The following SH3GL2 variants were observed in gnomAD, a reference collection of about 807,000 sequenced individuals.
SH3GL2 encodes endophilin-A1.
Under a neutral mutation model 46.0 loss-of-function variants are expected in SH3GL2, and 24 were observed. The observed-to-expected ratio is 0.52, with a 90% CI of 0.38 to 0.73. SH3GL2 has a LOEUF of 0.73. SH3GL2 is among the 30% of genes least tolerant of loss of function. The probability of loss-of-function intolerance (pLI) is 0.00; values close to 1 mark genes in which losing one functional copy is unlikely to be tolerated. For synonymous variants in SH3GL2, 196 were observed against 147.1 expected (o/e 1.33, Z -2.40); for missense variants, 413 against 424.2 (o/e 0.97, Z 0.23).
chr9:17,771,493 A>C (rs1823479999), intron 3 of SH3GL2, among the ~76,000 whole-genome samples: 1 of 152,144 alleles, frequency 6.6e-6, no homozygotes, highest in African/African-American at 2.4e-5. Context: ...CCCTTCTTAC[A>C]ATAAGGATAT....
chr9:17,718,252 C>G (rs747483425), intron 1 of SH3GL2, among the ~76,000 whole-genome samples: 5 of 152,208 alleles, frequency 3.3e-5, no homozygotes, highest in South Asian at 2.1e-4. Flanking sequence ...TGCCATCCTC[C>G]CTCACACAGT....
At chr9:17,753,179 G>A (rs992708455) in intron 2 of SH3GL2, among the ~76,000 whole-genome samples, 2 of 152,186 alleles carry the variant, frequency 1.3e-5, no homozygotes, top group African/African-American at 4.8e-5. Flanking sequence ...ATGTGTGCAT[G>A]TGTCTTTATA....
intron 1 of SH3GL2, among the ~76,000 whole-genome samples, chr9:17,663,975 C>T (rs771347353): frequency 2.3e-4 from 35 of 152,056 alleles, no homozygotes; most frequent in Non-Finnish European, 2.9e-5. Flanking sequence ...CCAACAGTGG[C>T]AGTTTTAGAT....
At chr9:17,614,289 G>T (rs920707679) in intron 1 of SH3GL2, among the ~76,000 whole-genome samples, 1 of 49,696 alleles carries the variant, frequency 2.0e-5, no homozygotes, top group Non-Finnish European at 3.9e-5. Flanking sequence ...AACATGCATG[G>T]TTTCTGAAAA....
chr9:17,632,545 A>G (rs17547720), intron 1 of SH3GL2, among the ~76,000 whole-genome samples: 15,678 of 152,206 alleles, frequency 0.1, 917 homozygotes, highest in Admixed American at 0.14. Context: ...GTTATTTGAA[A>G]TTGTAGATGA....
intron 8 of SH3GL2, 78 bp downstream of exon 8, chr9:17,793,575 G>A: frequency 7.2e-7 from 1 of 1,395,480 alleles, no homozygotes; most frequent in South Asian, 1.2e-5. Context: ...TTTAGGAATA[G>A]TCCAATCTGG....
At chr9:17,654,846 TA>T (rs1244872200) in intron 1 of SH3GL2, among the ~76,000 whole-genome samples, 4 of 152,104 alleles carry the variant, frequency 2.6e-5, no homozygotes, top group Non-Finnish European at 4.4e-5. Flanking sequence ...TAGTACAAAA[TA>T]AAAATAACCA....
chr9:17,661,191 T>C (rs1820203605), intron 1 of SH3GL2, among the ~76,000 whole-genome samples: 1 of 151,450 alleles, frequency 6.6e-6, no homozygotes, highest in Non-Finnish European at 1.5e-5. Flanking sequence ...AAAAACAAAA[T>C]TAATGTTCAG....
intron 1 of SH3GL2, among the ~76,000 whole-genome samples, chr9:17,645,812 C>T (rs1046000793): frequency 2.6e-5 from 4 of 152,000 alleles, no homozygotes; most frequent in Non-Finnish European, 5.9e-5. Flanking sequence ...ACATTTTTTC[C>T]TTCATTTCAA....
At chr9:17,765,290 A>G (rs1463487880) in intron 3 of SH3GL2, among the ~76,000 whole-genome samples, 4 of 145,312 alleles carry the variant, frequency 2.8e-5, no homozygotes, top group African/African-American at 1.0e-4. Flanking sequence ...GTAGGATTTG[A>G]TGCTTCGAGG....
At chr9:17,737,106 A>C (rs1239151328) in intron 1 of SH3GL2, among the ~76,000 whole-genome samples, 1 of 152,126 alleles carries the variant, frequency 6.6e-6, no homozygotes, top group African/African-American at 2.4e-5. Flanking sequence ...ACAGGAACAG[A>C]AAACAAAACA....
At chr9:17,763,626 G>C (rs1293571093) in intron 3 of SH3GL2, among the ~76,000 whole-genome samples, 1 of 152,192 alleles carries the variant, frequency 6.6e-6, no homozygotes, top group Non-Finnish European at 1.5e-5. Flanking sequence ...TCAGACTTCC[G>C]GTATGCTGAA....
At chr9:17,694,516 A>C (rs143314473) in intron 1 of SH3GL2, among the ~76,000 whole-genome samples, 2 of 152,288 alleles carry the variant, frequency 1.3e-5, no homozygotes, top group East Asian at 3.9e-4. Context: ...TGAAGCTGCT[A>C]ACAGGATTGC....
At chr9:17,650,914 A>C (rs1819939785) in intron 1 of SH3GL2, among the ~76,000 whole-genome samples, 1 of 152,184 alleles carries the variant, frequency 6.6e-6, no homozygotes, top group Non-Finnish European at 1.5e-5. Flanking sequence ...CTAGAACAAT[A>C]GGAATTTTCC....
chr9:17,790,780 C>T lies in SH3GL2; in HGVS notation c.625-451C>T, dbSNP rs530461153. Among the ~76,000 whole-genome samples, 4 of 152,304 alleles carry T rather than the reference C, an allele frequency of 2.6e-5. No homozygotes were observed. The East Asian group carries it at 5.8e-4, about 22-fold the overall frequency. ...AGAGCACAGAAGATTTTCTGTCATA[C>T]CATGTCGCCTCTCCGGGTACATTAT... On this transcript the variant is annotated intron_variant, in intron 6 of 8. Coordinates refer to ENST00000380607, the MANE Select transcript of SH3GL2 (RefSeq NM_003026.5).
At chr9:17,676,936 C>T (rs1820628275) in intron 1 of SH3GL2, among the ~76,000 whole-genome samples, 1 of 152,084 alleles carries the variant, frequency 6.6e-6, no homozygotes, top group Non-Finnish European at 1.5e-5. Context: ...GCTCTATGTG[C>T]CAAATATGCC....
chr9:17,669,678 G>A (rs7022381), intron 1 of SH3GL2, among the ~76,000 whole-genome samples: 7,046 of 152,156 alleles, frequency 0.046, 543 homozygotes, highest in African/African-American at 0.16. Flanking sequence ...CACCGGGGTT[G>A]GTTCTGGGTT....
At chr9:17,585,402 T>C (rs992745990) in intron 1 of SH3GL2, among the ~76,000 whole-genome samples, 3 of 152,162 alleles carry the variant, frequency 2.0e-5, no homozygotes, top group Non-Finnish European at 4.4e-5. Flanking sequence ...TTTTTCTCTT[T>C]TTGTTCTTTT....
chr9:17,680,929 G>T (rs576375244), intron 1 of SH3GL2, among the ~76,000 whole-genome samples: 1 of 151,672 alleles, frequency 6.6e-6, no homozygotes, highest in East Asian at 1.9e-4. Flanking sequence ...TTTCCGTGTA[G>T]TTGAGCAGTT....
Sources: allele counts gnomAD v4.1 joint callset (sites outside exome capture counted in the v4.1 genomes callset), GRCh38; gene constraint gnomAD v4.1.1; transcripts MANE v1.5; gene names NCBI Gene and HGNC (gene_info 2026-07-23, HGNC 2026-07-21).